The following ZKSCAN5 variants were observed in gnomAD, a reference collection of about 807,000 sequenced individuals.
ZKSCAN5 encodes the protein zinc finger with KRAB and SCAN domains 5, also known as zinc finger protein with KRAB and SCAN domains 5.
In ZKSCAN5, 28 loss-of-function variants were observed where a neutral mutation model predicts 60.0. The ratio of observed to expected loss-of-function variants is 0.47; its 90% CI spans 0.35 to 0.64. ZKSCAN5 has a LOEUF of 0.64. Among genes scored for constraint, ZKSCAN5 ranks in the 30% least tolerant of loss-of-function variants. ZKSCAN5 has a pLI of 0.01. For synonymous variants in ZKSCAN5, 361 were observed against 371.2 expected (o/e 0.97, Z 0.31); for missense variants, 881 against 1,034.6 (o/e 0.85, Z 2.04).
intron 3 of ZKSCAN5, among the ~76,000 whole-genome samples, chr7:99,514,628 C>T (rs1323786874): frequency 3.3e-5 from 5 of 152,096 alleles, no homozygotes; most frequent in South Asian, 2.1e-4. Flanking sequence ...AAAAATTGGC[C>T]GTGTGCAGTG....
At chr7:99,524,121 A>G (rs991389676) in intron 5 of ZKSCAN5, among the ~76,000 whole-genome samples, 1 of 144,894 alleles carries the variant, frequency 6.9e-6, no homozygotes, top group African/African-American at 2.6e-5. Flanking sequence ...CCCAGACTGG[A>G]GTGCAGTGGT....
chr7:99,510,283 A>G (rs1800958410), intron 2 of ZKSCAN5, among the ~76,000 whole-genome samples: 1 of 151,754 alleles, frequency 6.6e-6, no homozygotes, highest in Non-Finnish European at 1.5e-5. Flanking sequence ...TCTGCCACCC[A>G]GGCTGGAGTG....
Position 99,531,997 on chromosome 7 carries a change from G to C in ZKSCAN5, c.2268G>C (p.Gln756His). The C allele has an allele frequency of 6.2e-7, 1 of 1,614,178 alleles. No individual in the cohort carries two copies. The highest frequency in any genetic ancestry group is 8.5e-7 in the Non-Finnish European group (1 of 1,180,042). ...QCDICRENVGQCSHTKQHQKI... is the reference protein window; with the variant it reads ...QCDICRENVGHCSHTKQHQKI... The stretch of plus-strand genomic sequence containing the variant: ...ATATATGTAGAGAAAATGTTGGCCA[G>C]TGTTCCCACACCAAACAACATCAAA... The change falls in exon 7 of 7, where the codon CAG (glutamine) becomes CAC (histidine). Residue 756 changes from glutamine to histidine, a missense_variant. By Grantham distance (24) the Gln-to-His change is conservative. Coordinates refer to ENST00000326775, the MANE Select transcript of ZKSCAN5 (RefSeq NM_145102.4).
intron 2 of ZKSCAN5, among the ~76,000 whole-genome samples, chr7:99,508,527 G>C (rs1388166062): frequency 6.6e-6 from 1 of 151,960 alleles, no homozygotes; most frequent in Non-Finnish European, 1.5e-5. Flanking sequence ...GCTGAGGCGG[G>C]TGGATCATGG....
chr7:99,509,431 T>C (rs1163600268), intron 2 of ZKSCAN5, among the ~76,000 whole-genome samples: 2 of 150,888 alleles, frequency 1.3e-5, no homozygotes, highest in Non-Finnish European at 3.0e-5. Context: ...ACCATATCTG[T>C]GAAATTTCAA....
rs527563892 is a variant in ZKSCAN5 at position 99,533,938 on chromosome 7, G to T, written c.*1689G>T. 3 of 258,482 alleles carry T rather than the reference G, an allele frequency of 1.2e-5. No individual in the cohort carries two copies. The highest frequency in any genetic ancestry group is 2.2e-5 in the Non-Finnish European group (3 of 137,718). The allele number at this position is 258,482 out of a possible 1,614,324, so 16.0% of individuals were successfully genotyped here. A position where few individuals can be genotyped will look rare whatever the true frequency, so the allele number is the denominator to read the frequency against. ...GAGTGGATTGTGGAGTTGGTCACTCGCCAGGAGGGAGTGAAGACCCGCATC... is the reference window on the plus strand; with the variant it reads ...GAGTGGATTGTGGAGTTGGTCACTCTCCAGGAGGGAGTGAAGACCCGCATC... On this transcript the variant is annotated 3_prime_UTR_variant, in exon 7 of 7. Coordinates refer to ENST00000326775, the MANE Select transcript of ZKSCAN5 (RefSeq NM_145102.4).
At chr7:99,506,835 A>C (rs1019678841) in intron 2 of ZKSCAN5, among the ~76,000 whole-genome samples, 2 of 147,814 alleles carry the variant, frequency 1.4e-5, no homozygotes, top group Non-Finnish European at 1.5e-5. Flanking sequence ...GGCGTCCGCC[A>C]CCAGGCCCGG....
chr7:99,525,603 C>T (rs923070890), intron 5 of ZKSCAN5, among the ~76,000 whole-genome samples: 2 of 152,016 alleles, frequency 1.3e-5, no homozygotes, highest in African/African-American at 4.8e-5. Context: ...TTTCAGTCTC[C>T]TTCCTCTGAA....
At position 99,531,378 on chromosome 7, in the gene ZKSCAN5, A is replaced by T. The variant is rs1344939828; in HGVS notation, c.1649A>T (p.Lys550Ile). 3 of 1,614,054 alleles carry T rather than the reference A, an allele frequency of 1.9e-6. No individual in the cohort carries two copies. The African/African-American group carries it at 4.0e-5, about 22-fold the overall frequency. ...KKSSTGERPH[K>I]CNECGKSFIQ... ...TCCTCCACTGGAGAGAGACCACATA[A>T]ATGTAACGAGTGTGGGAAAAGCTTC... Residue 550 changes from lysine to isoleucine, a missense_variant, in exon 7 of 7, where the codon AAA (lysine) becomes ATA (isoleucine). By Grantham distance (102) the Lys-to-Ile change is moderately radical. This residue lies in a region of ZKSCAN5 where 490 missense variants were observed against 554.5 expected (regional missense o/e 0.88). Transcript: ENST00000326775.
At chr7:99,521,790 T>G (rs928812881) in intron 5 of ZKSCAN5, among the ~76,000 whole-genome samples, 1 of 152,062 alleles carries the variant, frequency 6.6e-6, no homozygotes, top group Non-Finnish European at 1.5e-5. Context: ...ATCAATAATT[T>G]TATGATTATT....
In ZKSCAN5 at chr7:99,533,746, C is replaced by T; in HGVS notation, c.*1497C>T. On this transcript the variant is annotated 3_prime_UTR_variant, in exon 7 of 7. Coordinates refer to ENST00000326775, the MANE Select transcript of ZKSCAN5 (RefSeq NM_145102.4). ...GACTTTTTCTGAGCCTTCATCCGTG[C>T]TAAGCTCTCTCCCTTCTCTATCCTG... The T allele has an allele frequency of 2.5e-6, 1 of 398,278 alleles. No homozygotes were observed. Among genetic ancestry groups the T allele is most frequent in the Non-Finnish European group, 4.4e-6 (1 of 226,256 alleles). 24.7% of individuals were successfully genotyped at this position (398,278 alleles called of 1,614,324 possible).
chr7:99,514,409 A>G (rs1174162293), intron 3 of ZKSCAN5, among the ~76,000 whole-genome samples: 2 of 152,188 alleles, frequency 1.3e-5, no homozygotes, highest in African/African-American at 4.8e-5. Flanking sequence ...CTCTTTGCCA[A>G]TGTGGGCAGC....
At chr7:99,530,725 G>A (rs1301151704) in intron 6 of ZKSCAN5, among the ~76,000 whole-genome samples, 2 of 152,140 alleles carry the variant, frequency 1.3e-5, no homozygotes, top group Non-Finnish European at 2.9e-5. Context: ...AGTTTCATCT[G>A]ATGAACATTT....
At chr7:99,524,699 C>T (rs911595886) in intron 5 of ZKSCAN5, among the ~76,000 whole-genome samples, 4 of 152,160 alleles carry the variant, frequency 2.6e-5, no homozygotes, top group Non-Finnish European at 5.9e-5. Context: ...AGGTTCTTCT[C>T]AGGATATAGA....
chr7:99,530,249 G>A (rs548659105), intron 6 of ZKSCAN5, among the ~76,000 whole-genome samples: 7 of 151,870 alleles, frequency 4.6e-5, no homozygotes, highest in Non-Finnish European at 8.8e-5. Flanking sequence ...TGGCCAGGCT[G>A]GTTTCGAACT....
chr7:99,505,122 G>C (rs1437744269), intron 1 of ZKSCAN5: 1 of 151,468 alleles, frequency 6.6e-6, no homozygotes, highest in Non-Finnish European at 1.5e-5. Context: ...CGGGGCCCGC[G>C]TCCCATCTCC....
intron 3 of ZKSCAN5, 36 bp from the exon 4 acceptor site, chr7:99,519,791 A>T: frequency 6.3e-7 from 1 of 1,584,586 alleles, no homozygotes; most frequent in African/African-American, 1.3e-5. Context: ...CCGGGCAAAG[A>T]TGTTCTCACT....
At chr7:99,511,740 T>G (rs1432542374) in intron 2 of ZKSCAN5, among the ~76,000 whole-genome samples, 1 of 2,066 alleles carries the variant, frequency 4.8e-4, no homozygotes, top group Middle Eastern at 0.5. Context: ...ACCGTTTCAG[T>G]GTTCTCTCTG....
Position 99,519,982 on chromosome 7 carries a change from A to G in ZKSCAN5, c.636+73A>G. The G allele has an allele frequency of 1.9e-6, 3 of 1,572,926 alleles. No individual in the cohort carries two copies. In the South Asian group the frequency reaches 3.3e-5, roughly 18 times the overall value. The stretch of plus-strand genomic sequence containing the variant: ...CACCAAGAGTTCTGTTTCTTTAGCC[A>G]GTGACTAGGCCCATCTTGGGTTGGT... On this transcript the variant is annotated intron_variant, in intron 4 of 6. Transcript: ENST00000326775.
Sources: allele counts gnomAD v4.1 joint callset (sites outside exome capture counted in the v4.1 genomes callset), GRCh38; gene constraint gnomAD v4.1.1; regional missense constraint gnomAD v4.1.1; transcripts MANE v1.5; gene names NCBI Gene and HGNC (gene_info 2026-07-23, HGNC 2026-07-21).